Variants in EPHB2 observed in about 807,000 individuals in gnomAD.
EPHB2 encodes ephrin type-B receptor 2.
In EPHB2, 18 loss-of-function variants were observed where a neutral mutation model predicts 96.4. That is an observed-to-expected ratio of 0.19 (90% confidence interval 0.13 to 0.28). The LOEUF is 0.28. Ranked by LOEUF, EPHB2 falls within the 10% of genes least tolerant of loss-of-function variation. The pLI, the probability that EPHB2 is intolerant of heterozygous loss-of-function variation, is 1.00. For missense variants in EPHB2, 989 were observed against 1,355.4 expected (o/e 0.73, Z 4.25); for synonymous variants, 506 against 534.1 (o/e 0.95, Z 0.72).
intron 1 of EPHB2, among the ~76,000 whole-genome samples, chr1:22,738,000 A>G (rs143391112): frequency 5.3e-5 from 8 of 152,260 alleles, no homozygotes; most frequent in African/African-American, 1.7e-4. Context: ...TCTTACATCA[A>G]CCTAGCCTCG....
intron 3 of EPHB2, among the ~76,000 whole-genome samples, chr1:22,829,201 G>T (rs1005084477): frequency 1.3e-5 from 2 of 152,270 alleles, no homozygotes; most frequent in Admixed American, 1.3e-4. Context: ...ATGGGGCTGG[G>T]AGGTAGGAGC....
chr1:22,895,861 A>G (rs1441775915), intron 8 of EPHB2, among the ~76,000 whole-genome samples: 1 of 152,226 alleles, frequency 6.6e-6, no homozygotes, highest in Non-Finnish European at 1.5e-5. Context: ...AGATTGCAGG[A>G]TGCTAGGAGT....
chr1:22,760,242 G>A (rs1431227226), intron 1 of EPHB2, among the ~76,000 whole-genome samples: 16 of 152,056 alleles, frequency 1.1e-4, no homozygotes, highest in Admixed American at 1.0e-3. Context: ...GGATGGGGTG[G>A]AGGCTCACAG....
At chr1:22,871,677 A>G (rs1281851540) in intron 5 of EPHB2, among the ~76,000 whole-genome samples, 1 of 152,230 alleles carries the variant, frequency 6.6e-6, no homozygotes, top group African/African-American at 2.4e-5. Flanking sequence ...CAAACCTAGC[A>G]ACTTAACACA....
intron 6 of EPHB2, among the ~76,000 whole-genome samples, chr1:22,886,174 C>T (rs1331661040): frequency 6.6e-6 from 1 of 152,180 alleles, no homozygotes; most frequent in African/African-American, 2.4e-5. Context: ...GACACTTAAG[C>T]TGAGTCTTGA....
chr1:22,719,883 A>G (rs577021965), intron 1 of EPHB2, among the ~76,000 whole-genome samples: 1 of 152,238 alleles, frequency 6.6e-6, no homozygotes, highest in African/African-American at 2.4e-5. Flanking sequence ...CTACTGGCTT[A>G]AAACAATAAT....
At chr1:22,781,334 A>C in intron 1 of EPHB2, 87 bp from the exon 2 acceptor site, 1 of 1,264,674 alleles carries the variant, frequency 7.9e-7, no homozygotes, top group East Asian at 2.5e-5. Context: ...AAAAAAAAAA[A>C]AAGAAGAAGA....
At chr1:22,856,791 C>A (rs1645706212) in intron 3 of EPHB2, among the ~76,000 whole-genome samples, 1 of 152,144 alleles carries the variant, frequency 6.6e-6, no homozygotes, top group Non-Finnish European at 1.5e-5. Flanking sequence ...GGGCCTGCCA[C>A]CTGGAAAGTA....
intron 3 of EPHB2, among the ~76,000 whole-genome samples, chr1:22,785,725 C>T (rs939968839): frequency 2.6e-5 from 4 of 152,244 alleles, no homozygotes; most frequent in Non-Finnish European, 4.4e-5. Context: ...GCACATTTCA[C>T]GGGCCAAAGC....
intron 5 of EPHB2, among the ~76,000 whole-genome samples, chr1:22,871,425 G>A (rs1044702743): frequency 3.9e-5 from 6 of 152,166 alleles, no homozygotes; most frequent in Admixed American, 1.3e-4. Context: ...GCATCAGAGC[G>A]GGGCCTGACA....
intron 6 of EPHB2, among the ~76,000 whole-genome samples, chr1:22,890,501 G>C (rs2148562875): frequency 6.6e-6 from 1 of 152,088 alleles, no homozygotes; most frequent in South Asian, 2.1e-4. Flanking sequence ...CTCTGAACCT[G>C]CTGCCCCTTC....
chr1:22,883,661 G>A (rs1363415923), intron 6 of EPHB2, among the ~76,000 whole-genome samples: 1 of 152,160 alleles, frequency 6.6e-6, no homozygotes, highest in African/African-American at 2.4e-5. Context: ...CAACTTTCTA[G>A]AGCCCAGCCC....
intron 3 of EPHB2, among the ~76,000 whole-genome samples, chr1:22,805,437 C>T (rs566178984): frequency 1.2e-3 from 190 of 152,256 alleles, no homozygotes; most frequent in Middle Eastern, 3.4e-3. Context: ...CATTCCAGAC[C>T]TGCCACTCCC....
rs1024809151 is a variant in EPHB2, at chr1:22,913,814, A to C, written c.*244A>C. 1 of 1,610,616 alleles carries C rather than the reference A, an allele frequency of 6.2e-7. No homozygotes were observed. Among genetic ancestry groups the C allele is most frequent in the African/African-American group, 1.3e-5 (1 of 74,766 alleles). On this transcript the variant is annotated 3_prime_UTR_variant, in exon 16 of 16. Coordinates refer to ENST00000374630, the MANE Select transcript of EPHB2 (RefSeq NM_017449.5). The surrounding 1 kb of genome is among the most constrained non-coding windows in gnomAD (Gnocchi z 4.1). ...TGGGAGGGGGCGGGAAATACAAGGA[A>C]TATTTTTTAAAGAGGATTCTCATAA... is the stretch of plus-strand genomic sequence containing the variant.
intron 6 of EPHB2, among the ~76,000 whole-genome samples, chr1:22,887,832 G>C (rs895746619): frequency 1.2e-4 from 18 of 152,166 alleles, no homozygotes; most frequent in African/African-American, 3.9e-4. Context: ...TGAAGAGGAA[G>C]GACATTCCAG....
chr1:22,817,980 C>T (rs775957023), intron 3 of EPHB2, among the ~76,000 whole-genome samples: 28 of 152,098 alleles, frequency 1.8e-4, no homozygotes, highest in Non-Finnish European at 4.1e-4. Context: ...GGGCCCAGCC[C>T]ATTTATCTTT....
intron 11 of EPHB2, 102 bp downstream of exon 11, chr1:22,907,059 T>C: frequency 3.5e-6 from 5 of 1,446,980 alleles, no homozygotes; most frequent in Non-Finnish European, 4.6e-6. Context: ...TTGGAAAAGC[T>C]CTAGGTCAGG....
At chr1:22,847,621 G>C (rs1645562880) in intron 3 of EPHB2, among the ~76,000 whole-genome samples, 1 of 152,174 alleles carries the variant, frequency 6.6e-6, no homozygotes, top group South Asian at 2.1e-4. Context: ...CAGGCTGCTG[G>C]AGGAAAGGGC....
At chr1:22,859,972 C>T (rs1006102600) in intron 3 of EPHB2, among the ~76,000 whole-genome samples, 7 of 152,232 alleles carry the variant, frequency 4.6e-5, no homozygotes, top group African/African-American at 1.4e-4. Flanking sequence ...CATCGACTTT[C>T]TGTCTCTTTC....
Sources: allele counts gnomAD v4.1 joint callset (sites outside exome capture counted in the v4.1 genomes callset), GRCh38; gene constraint gnomAD v4.1.1; non-coding constraint Gnocchi (gnomAD v3.1); transcripts MANE v1.5; gene names NCBI Gene and HGNC (gene_info 2026-07-23, HGNC 2026-07-21).